CDK5RAP3: variants seen among roughly 807,000 people sequenced by gnomAD.
CDK5RAP3 encodes the protein CDK5 regulatory subunit associated protein 3.
Under a neutral mutation model 73.3 loss-of-function variants are expected in CDK5RAP3, and 58 were observed. That is an observed-to-expected ratio of 0.79 (90% CI 0.64 to 0.98). The LOEUF (loss-of-function observed/expected upper bound fraction) is 0.98, where lower values mean the gene tolerates loss of function less well. Among genes scored for constraint, CDK5RAP3 ranks in the 50% least tolerant of loss-of-function variants. CDK5RAP3 has a pLI of 0.00. For synonymous variants in CDK5RAP3, 224 were observed against 247.5 expected, an observed-to-expected ratio of 0.91 and a Z score of 0.89; for missense variants, 525 against 615.8, an observed-to-expected ratio of 0.85 and a Z score of 1.56.
chr17:47,980,138 T>G (rs1404809251), intron 11 of CDK5RAP3: 1 of 186,370 alleles, frequency 5.4e-6, no homozygotes, highest in African/African-American at 2.4e-5. Flanking sequence ...TAGTCTCTCC[T>G]AGCGCTTACA....
intron 4 of CDK5RAP3, 149 bp from the exon 5 acceptor site, chr17:47,974,251 G>T: frequency 1.2e-6 from 1 of 800,334 alleles, no homozygotes; most frequent in Admixed American, 2.1e-5. Flanking sequence ...TAAAGTGGGT[G>T]GTCCAGCCAG....
upstream of CDK5RAP3, among the ~76,000 whole-genome samples, chr17:47,969,808 A>T (rs1044510985): frequency 6.6e-6 from 1 of 152,024 alleles, no homozygotes; most frequent in Non-Finnish European, 1.5e-5. Context: ...CACACTTTCC[A>T]TCTGGGGGTC....
intron 11 of CDK5RAP3, chr17:47,980,383 C>T: frequency 1.7e-6 from 1 of 575,978 alleles, no homozygotes; most frequent in Non-Finnish European, 3.1e-6. Context: ...ATCCTCCCGC[C>T]TCAGCCTCCT....
At position 47,975,172 on chromosome 17, in the gene CDK5RAP3, C is replaced by G. The variant is rs779784276; in HGVS notation, c.348C>G (p.Ser116Arg). The change falls in exon 6 of 14, where the codon AGC (serine) becomes AGG (arginine). Residue 116 changes from serine to arginine, a missense_variant. Around this residue, in one of 2 missense-constraint regions of CDK5RAP3, gnomAD observed 409 missense variants for 429.8 expected, o/e 0.95. Transcript: ENST00000338399. ...GGCACTTCTCAGTGGAACTCTCTAGCCTCCTGGTTCGGAATGTCAACTATG... is the reference window on the plus strand; with the variant it reads ...GGCACTTCTCAGTGGAACTCTCTAGGCTCCTGGTTCGGAATGTCAACTATG... ...KDNTYLVELS[S>R]LLVRNVNYEI... 7.4e-6 allele frequency: 12 copies of G among 1,614,144 alleles called. No homozygotes were observed. The Admixed American group carries it at 2.0e-4, about 27-fold the overall frequency.
chr17:47,974,891 G>A, intron 5 of CDK5RAP3: 2 of 1,362,924 alleles, frequency 1.5e-6, no homozygotes, highest in Non-Finnish European at 1.9e-6. Context: ...AATATTTCCT[G>A]AGCATCTACT....
intron 2 of CDK5RAP3, among the ~76,000 whole-genome samples, chr17:47,971,896 G>A (rs2036279136): frequency 1.3e-5 from 2 of 152,200 alleles, no homozygotes; most frequent in Non-Finnish European, 2.9e-5. Context: ...TCGGGAGGCT[G>A]AGGTGGGAGA....
intron 1 of CDK5RAP3, 97 bp downstream of exon 1, chr17:47,971,249 C>T: frequency 2.0e-6 from 3 of 1,536,574 alleles, no homozygotes; most frequent in Non-Finnish European, 1.8e-6. Flanking sequence ...CAGCCCATCG[C>T]TCTGGCCCCG....
chr17:47,971,895 T>G (rs780967850), intron 2 of CDK5RAP3, among the ~76,000 whole-genome samples: 9 of 152,210 alleles, frequency 5.9e-5, no homozygotes, highest in Middle Eastern at 3.4e-3. Context: ...CTCGGGAGGC[T>G]GAGGTGGGAG....
intron 12 of CDK5RAP3, 126 bp from the exon 13 acceptor site, chr17:47,981,037 T>C: frequency 9.2e-7 from 1 of 1,092,184 alleles, no homozygotes; most frequent in Non-Finnish European, 1.3e-6. Flanking sequence ...AGGAAAGGGT[T>C]TAAGGATGTG....
chr17:47,972,083 A>C (rs1807222425), intron 2 of CDK5RAP3, among the ~76,000 whole-genome samples: 1 of 124,838 alleles, frequency 8.0e-6, no homozygotes, highest in African/African-American at 2.9e-5. Flanking sequence ...TGCCTTTTGC[A>C]TTATGCCAGG....
intron 7 of CDK5RAP3, 43 bp from the exon 8 acceptor site, chr17:47,975,826 T>C (rs767093758): frequency 1.2e-6 from 2 of 1,612,716 alleles, no homozygotes; most frequent in East Asian, 4.5e-5. Context: ...GTGTTGGCCT[T>C]ACGCATGGTC....
At position 47,974,634 on chromosome 17, in the gene CDK5RAP3, G is replaced by C. The variant is rs766887729; in HGVS notation, c.334+186G>C. 28 of 1,416,778 alleles carry C rather than the reference G, an allele frequency of 2.0e-5. No individual in the cohort carries two copies. In the East Asian group the frequency reaches 6.1e-4, roughly 31 times the overall value. The allele number at this position is 1,416,778 out of a possible 1,614,324, so 87.8% of individuals were successfully genotyped here. On this transcript the variant is annotated intron_variant, in intron 5 of 13. Transcript: ENST00000338399. Reference sequence around the variant, plus strand: ...TTGATTTTCCCTGAGTGGAGTGCTGGGGGAAGGAGGAGGTCCAGGCCGGTA... The same window carrying C: ...TTGATTTTCCCTGAGTGGAGTGCTGCGGGAAGGAGGAGGTCCAGGCCGGTA...
intron 11 of CDK5RAP3, chr17:47,979,471 A>G (rs1021221504): frequency 5.2e-5 from 8 of 152,942 alleles, no homozygotes; most frequent in African/African-American, 1.9e-4. Context: ...ACAGTTGACC[A>G]GCAACATGGA....
intron 2 of CDK5RAP3, among the ~76,000 whole-genome samples, chr17:47,971,834 T>A (rs2036277396): frequency 6.6e-6 from 1 of 151,252 alleles, no homozygotes; most frequent in Admixed American, 6.6e-5. Flanking sequence ...TACAAAAAAA[T>A]AAAAATAAAA....
chr17:47,977,686 A>AT (rs1181082679), intron 9 of CDK5RAP3, 146 bp from the exon 10 acceptor site: 7 of 654,178 alleles, frequency 1.1e-5, no homozygotes, highest in South Asian at 9.6e-5. Context: ...CCATACTGCC[A>AT]TTTTTGGCAC....
intron 13 of CDK5RAP3, 39 bp from the exon 14 acceptor site, chr17:47,981,398 A>G: frequency 1.2e-6 from 2 of 1,614,192 alleles, no homozygotes; most frequent in Non-Finnish European, 1.7e-6. Context: ...TGAGGCCCTG[A>G]GCACCCCTGC....
upstream of CDK5RAP3, chr17:47,970,809 G>A: frequency 7.0e-7 from 1 of 1,435,776 alleles, no homozygotes; most frequent in African/African-American, 1.4e-5. Context: ...TGCCCGCCAG[G>A]GGAAGCGGCT....
In CDK5RAP3 at chr17:47,981,455, A is replaced by C. The variant is rs1336394025; in HGVS notation, c.1474A>C (p.Lys492Gln). 1 of 1,614,210 alleles carries C rather than the reference A, an allele frequency of 6.2e-7. No homozygotes were observed. The highest frequency in any genetic ancestry group is 1.1e-5 in the South Asian group (1 of 91,090). Residue 492 changes from lysine (K) to glutamine (Q), a missense_variant, in exon 14 of 14, where the codon AAG becomes CAG. By Grantham distance (53) the Lys-to-Gln change is moderately conservative. Transcript: ENST00000338399. The part of the protein sequence containing the change: ...LQKLIEADIS[K>Q]RYSGRPVNLM... ...CTTTCAGATTGAAGCTGACATCTCC[A>C]AGAGGTACAGCGGGCGCCCTGTGAA...
At chr17:47,980,974 A>C in intron 12 of CDK5RAP3, 176 bp downstream of exon 12, 1 of 851,932 alleles carries the variant, frequency 1.2e-6, no homozygotes, top group Non-Finnish European at 1.8e-6. Flanking sequence ...TACAGGAAGA[A>C]TCTGCTTGCT....
Sources: allele counts gnomAD v4.1 joint callset (sites outside exome capture counted in the v4.1 genomes callset), GRCh38; gene constraint gnomAD v4.1.1; regional missense constraint gnomAD v4.1.1; transcripts MANE v1.5; gene names NCBI Gene and HGNC (gene_info 2026-07-23, HGNC 2026-07-21).